Variants in POLA1 observed in about 807,000 individuals in gnomAD.
POLA1 encodes the protein DNA polymerase alpha catalytic subunit.
A neutral mutation model predicts 124.0 loss-of-function variants in POLA1; 15 were observed. The observed-to-expected ratio is 0.12, with a 90% CI of 0.08 to 0.19. The LOEUF is 0.19. POLA1 is among the 10% of genes least tolerant of loss of function. The probability of loss-of-function intolerance (pLI) is 1.00; values close to 1 mark genes in which losing one functional copy is unlikely to be tolerated. For synonymous variants in POLA1, 408 were observed against 389.4 expected, an observed-to-expected ratio of 1.05 and a Z score of -0.56; for missense variants, 886 against 1,103.4, an observed-to-expected ratio of 0.80 and a Z score of 2.79.
At chrX:24,734,949 T>C (rs1931181312) in intron 17 of POLA1, among the ~76,000 whole-genome samples, 1 of 112,123 alleles carries the variant, frequency 8.9e-6, no homozygotes, top group South Asian at 3.7e-4. Flanking sequence ...GTTTTTAGTC[T>C]AGTTTCTTAT....
intron 35 of POLA1, among the ~76,000 whole-genome samples, chrX:24,910,791 C>T (rs1293015059): frequency 9.0e-6 from 1 of 111,650 alleles, no homozygotes; most frequent in Non-Finnish European, 1.9e-5. Flanking sequence ...AATAGATAAT[C>T]CACAATTATA....
chrX:24,805,475 A>G (rs1378704949), intron 26 of POLA1, among the ~76,000 whole-genome samples: 1 of 111,308 alleles, frequency 9.0e-6, no homozygotes, highest in African/African-American at 3.3e-5. Context: ...GTCAGTAATA[A>G]CCCTCTTAGC....
At chrX:24,837,338 T>C (rs1476713861) in intron 32 of POLA1, among the ~76,000 whole-genome samples, 2 of 111,773 alleles carry the variant, frequency 1.8e-5, no homozygotes, top group African/African-American at 6.5e-5. Context: ...GTATAAATGG[T>C]TTCCTACAGT....
chrX:24,957,565 GGTAA>G (rs1215129999), intron 36 of POLA1, among the ~76,000 whole-genome samples: 2 of 111,270 alleles, frequency 1.8e-5, no homozygotes, highest in African/African-American at 3.3e-5. Context: ...TAGTCTCCTA[GGTAA>G]GTAAGTGACA....
chrX:24,991,305 G>A (rs913750525), intron 36 of POLA1, among the ~76,000 whole-genome samples: 4 of 108,658 alleles, frequency 3.7e-5, no homozygotes, highest in African/African-American at 1.3e-4. Flanking sequence ...CATGACAAAT[G>A]CAAACACCCA....
intron 34 of POLA1, among the ~76,000 whole-genome samples, chrX:24,853,712 TG>T (rs2046598537): frequency 9.0e-6 from 1 of 111,249 alleles, no homozygotes; most frequent in African/African-American, 3.3e-5. Flanking sequence ...CAGGATCAGT[TG>T]GTTAATTTTT....
At chrX:24,970,350 C>T (rs1342835957) in intron 36 of POLA1, among the ~76,000 whole-genome samples, 1 of 112,179 alleles carries the variant, frequency 8.9e-6, no homozygotes, top group Non-Finnish European at 1.9e-5. Flanking sequence ...ACTATAAAAA[C>T]CCTAGAAGAA....
intron 36 of POLA1, among the ~76,000 whole-genome samples, chrX:24,979,843 G>A (rs905039948): frequency 3.6e-5 from 4 of 112,028 alleles, no homozygotes; most frequent in Admixed American, 2.8e-4. Flanking sequence ...CAGACTGCGA[G>A]TGATGCTGCC....
chrX:24,831,701 G>A (rs1015952678), intron 32 of POLA1, among the ~76,000 whole-genome samples: 3 of 112,319 alleles, frequency 2.7e-5, no homozygotes, highest in African/African-American at 6.5e-5. Flanking sequence ...GATTATAGGC[G>A]TGAGCCACTG....
intron 34 of POLA1, among the ~76,000 whole-genome samples, chrX:24,881,648 TGTAGGTAGG>T (rs2047002308): frequency 9.0e-6 from 1 of 111,462 alleles, no homozygotes; most frequent in South Asian, 3.8e-4. Flanking sequence ...CGACCATCCA[TGTAGGTAGG>T]CAAAACAAGA....
At position 24,977,216 on chromosome X, in the gene POLA1, C is replaced by T. The variant is rs1239436149; in HGVS notation, c.4262-18589C>T. ...GTAAAACATCTCTTCCAGTAGCTTC[C>T]TGAGAAAGAGTACTTGGCAGATGAA... On this transcript the variant is annotated intron_variant, in intron 36 of 36. Transcript: ENST00000379068. Among the ~76,000 whole-genome samples the T allele has an allele frequency of 3.6e-5, 4 of 111,887 alleles. No homozygotes were observed. In the East Asian group the frequency reaches 1.1e-3, roughly 31 times the overall value.
At chrX:24,707,764 TG>T (rs1264713397) in intron 4 of POLA1, among the ~76,000 whole-genome samples, 2 of 111,892 alleles carry the variant, frequency 1.8e-5, no homozygotes, top group Admixed American at 9.5e-5. Context: ...GAGGCCGAGG[TG>T]GGCAGATCAC....
intron 36 of POLA1, among the ~76,000 whole-genome samples, chrX:24,972,264 C>T (rs1348097165): frequency 4.5e-5 from 5 of 112,305 alleles, no homozygotes; most frequent in Non-Finnish European, 7.5e-5. Flanking sequence ...AGCCACCGGG[C>T]CTGGCCGGAG....
chrX:24,939,010 G>A (rs764301334), intron 36 of POLA1, among the ~76,000 whole-genome samples: 4 of 112,145 alleles, frequency 3.6e-5, no homozygotes, highest in African/African-American at 1.3e-4. Context: ...TGCACTCAAC[G>A]TTTGCACTTT....
chrX:24,894,804 T>TGA lies in POLA1; in HGVS notation c.4164+6685_4164+6686dup, dbSNP rs764429741. Among the ~76,000 whole-genome samples, 947 of 105,941 alleles carry TGA rather than the reference T, an allele frequency of 8.9e-3. 15 individuals carry two copies. Among genetic ancestry groups the TGA allele is most frequent in the African/African-American group, 0.031 (896 of 28,480 alleles). 92.0% of individuals were successfully genotyped at this position (105,941 alleles called of 115,157 possible). On this transcript the variant is annotated intron_variant, in intron 35 of 36. Coordinates refer to ENST00000379068, the MANE Select transcript of POLA1 (RefSeq NM_001330360.2). The stretch of plus-strand genomic sequence containing the variant: ...TTTTCTTTTCTTTTTTTTTTTTTTG[T>TGA]GAGACAGAGTCTGACTGTATCACCT...
chrX:24,705,433 A>G (rs776704945), intron 4 of POLA1, among the ~76,000 whole-genome samples: 3 of 111,673 alleles, frequency 2.7e-5, no homozygotes, highest in Admixed American at 9.6e-5. Flanking sequence ...ATTTTGCACC[A>G]TTAGTTTTCT....
At chrX:24,949,651 G>C (rs1162952122) in intron 36 of POLA1, among the ~76,000 whole-genome samples, 1 of 104,827 alleles carries the variant, frequency 9.5e-6, no homozygotes, top group Non-Finnish European at 1.9e-5. Context: ...GTTTATTAAA[G>C]TAAATCATAT....
intron 36 of POLA1, among the ~76,000 whole-genome samples, chrX:24,989,431 T>C (rs2147300253): frequency 9.4e-6 from 1 of 106,466 alleles, no homozygotes; most frequent in African/African-American, 3.4e-5. Flanking sequence ...ATTTTTAGAT[T>C]TTTTTTTTTT....
At chrX:24,765,006 T>C (rs2148429336) in intron 26 of POLA1, among the ~76,000 whole-genome samples, 1 of 111,461 alleles carries the variant, frequency 9.0e-6, no homozygotes, top group South Asian at 3.9e-4. Context: ...CAGTTTACCT[T>C]GGACTCCAAG....
Sources: gnomAD v4.1 joint callset for allele counts (sites outside exome capture counted in the v4.1 genomes callset) on GRCh38, gnomAD v4.1.1 for gene constraint, MANE v1.5 for transcripts, NCBI Gene and HGNC (gene_info 2026-07-23, HGNC 2026-07-21) for gene names.